Variants in ELMO1 observed in about 807,000 individuals in gnomAD.
ELMO1 encodes engulfment and cell motility 1.
ELMO1 carries 26 observed loss-of-function variants against 98.9 expected under a neutral mutation model. That is an observed-to-expected ratio of 0.26 (90% CI 0.19 to 0.36). The LOEUF (loss-of-function observed/expected upper bound fraction) is 0.36. ELMO1 is among the 10% of genes least tolerant of loss of function. The pLI, the probability that ELMO1 is intolerant of heterozygous loss-of-function variation, is 1.00. For synonymous variants in ELMO1, 346 were observed against 346.0 expected (o/e 1.00, Z 0.00); for missense variants, 627 against 935.2 (o/e 0.67, Z 4.30).
chr7:37,400,732 T>TA (rs563044838), intron 1 of ELMO1, among the ~76,000 whole-genome samples: 194 of 152,288 alleles, frequency 1.3e-3, no homozygotes, highest in Middle Eastern at 3.4e-3. Context: ...GAATAACACT[T>TA]AGACTGATGG....
intron 4 of ELMO1, among the ~76,000 whole-genome samples, chr7:37,304,350 G>GGTGT (rs150089673): frequency 6.6e-6 from 1 of 151,740 alleles, no homozygotes; most frequent in Non-Finnish European, 1.5e-5. Context: ...GGTGTGTGAG[G>GGTGT]GTGTGTGTGT....
intron 7 of ELMO1, among the ~76,000 whole-genome samples, chr7:37,243,886 A>AG (rs1794871682): frequency 6.6e-6 from 1 of 152,228 alleles, no homozygotes; most frequent in Non-Finnish European, 1.5e-5. Flanking sequence ...TAGATAGGTG[A>AG]TCGAGCACTT....
chr7:37,048,387 C>T (rs1045056851), intron 15 of ELMO1, among the ~76,000 whole-genome samples: 13 of 152,158 alleles, frequency 8.5e-5, no homozygotes, highest in African/African-American at 3.1e-4. Context: ...AATAAGGCAA[C>T]CAGTTACATT....
At chr7:37,244,423 C>T in intron 6 of ELMO1, 32 bp from the exon 7 acceptor site, 2 of 1,607,892 alleles carry the variant, frequency 1.2e-6, no homozygotes, top group Non-Finnish European at 1.7e-6. Flanking sequence ...ATGTGAGGAG[C>T]ATACTTAAAA....
At chr7:37,095,585 TAA>T (rs1562997228) in intron 15 of ELMO1, among the ~76,000 whole-genome samples, 1 of 152,240 alleles carries the variant, frequency 6.6e-6, no homozygotes, top group Non-Finnish European at 1.5e-5. Context: ...TGGAAGATGA[TAA>T]AGTTTTCCAC....
chr7:36,939,302 T>A (rs1408492474), intron 16 of ELMO1, among the ~76,000 whole-genome samples: 1 of 149,650 alleles, frequency 6.7e-6, no homozygotes, highest in Non-Finnish European at 1.5e-5. Flanking sequence ...ATAGAAGACT[T>A]AACCTAGTCA....
At chr7:37,234,516 A>G (rs1455053944) in intron 7 of ELMO1, among the ~76,000 whole-genome samples, 1 of 152,234 alleles carries the variant, frequency 6.6e-6, no homozygotes, top group African/African-American at 2.4e-5. Flanking sequence ...AATGATCCAA[A>G]GCTGCCGGAG....
intron 2 of ELMO1, among the ~76,000 whole-genome samples, chr7:37,325,071 T>C (rs765750648): frequency 2.6e-5 from 4 of 152,210 alleles, no homozygotes; most frequent in African/African-American, 4.8e-5. Context: ...ATAGCTTCTT[T>C]TATTAACTTA....
chr7:37,344,355 C>A (rs1446709936), intron 1 of ELMO1, among the ~76,000 whole-genome samples: 1 of 151,996 alleles, frequency 6.6e-6, no homozygotes, highest in African/African-American at 2.4e-5. Flanking sequence ...CTTTTTGTTT[C>A]TTTTAGTATA....
chr7:37,248,861 G>T (rs890254997), intron 6 of ELMO1, among the ~76,000 whole-genome samples: 1 of 152,244 alleles, frequency 6.6e-6, no homozygotes, highest in Non-Finnish European at 1.5e-5. Flanking sequence ...AGTTAGAGCT[G>T]ATCATCTGTG....
chr7:37,412,545 C>A (rs934079474), intron 1 of ELMO1, among the ~76,000 whole-genome samples: 1 of 152,270 alleles, frequency 6.6e-6, no homozygotes, highest in Non-Finnish European at 1.5e-5. Flanking sequence ...GCAGACACAA[C>A]AACTAAAGAA....
intron 14 of ELMO1, among the ~76,000 whole-genome samples, chr7:37,103,290 T>C (rs1446960455): frequency 1.8e-4 from 28 of 152,212 alleles, no homozygotes; most frequent in Non-Finnish European, 3.7e-4. Flanking sequence ...CAGTTATTAA[T>C]CTTGCTTTTT....
intron 2 of ELMO1, among the ~76,000 whole-genome samples, chr7:37,327,218 A>T (rs1220953567): frequency 1.3e-5 from 2 of 152,232 alleles, no homozygotes; most frequent in African/African-American, 4.8e-5. Context: ...GAAATGAATG[A>T]TTCACAGGGA....
At chr7:36,867,035 G>T (rs1803085365) in intron 20 of ELMO1, among the ~76,000 whole-genome samples, 1 of 152,118 alleles carries the variant, frequency 6.6e-6, no homozygotes, top group African/African-American at 2.4e-5. Context: ...TAATTAAAGG[G>T]CCAGGCTGCT....
At chr7:37,077,825 C>T (rs567380313) in intron 15 of ELMO1, among the ~76,000 whole-genome samples, 44 of 152,212 alleles carry the variant, frequency 2.9e-4, no homozygotes, top group African/African-American at 1.0e-3. Flanking sequence ...GCCAGGCCTT[C>T]CAGTCTAACC....
intron 1 of ELMO1, among the ~76,000 whole-genome samples, chr7:37,357,647 A>AT (rs1302530749): frequency 2.6e-5 from 4 of 152,150 alleles, no homozygotes; most frequent in African/African-American, 9.7e-5. Context: ...AAACCTATAG[A>AT]TTTTTTCCTT....
intron 1 of ELMO1, among the ~76,000 whole-genome samples, chr7:37,414,771 C>T (rs534000462): frequency 6.6e-6 from 1 of 152,324 alleles, no homozygotes; most frequent in Admixed American, 6.5e-5. Flanking sequence ...GTCATTCTAC[C>T]TGCTGCATTG....
chr7:36,926,043 C>T (rs1312327601), intron 16 of ELMO1, among the ~76,000 whole-genome samples: 1 of 152,174 alleles, frequency 6.6e-6, no homozygotes, highest in Non-Finnish European at 1.5e-5. Flanking sequence ...TCCAAGTCCC[C>T]TTCATCTTCA....
chr7:37,181,858 T>A (rs974906185), intron 13 of ELMO1, among the ~76,000 whole-genome samples: 3 of 152,190 alleles, frequency 2.0e-5, no homozygotes, highest in African/African-American at 7.2e-5. Flanking sequence ...GCAACAGGCA[T>A]TGCTGATTAC....
Sources: gnomAD v4.1 joint callset for allele counts (sites outside exome capture counted in the v4.1 genomes callset) on GRCh38, gnomAD v4.1.1 for gene constraint, MANE v1.5 for transcripts, NCBI Gene and HGNC (gene_info 2026-07-23, HGNC 2026-07-21) for gene names.